PPP2CA: variants seen among roughly 807,000 people sequenced by gnomAD.
The protein encoded by PPP2CA is serine/threonine-protein phosphatase 2A catalytic subunit alpha isoform.
In PPP2CA, 5 loss-of-function variants were observed where a neutral mutation model predicts 38.8. The observed-to-expected ratio is 0.13, with a 90% CI of 0.07 to 0.27. The LOEUF is 0.27. Ranked by LOEUF, PPP2CA falls within the 10% of genes least tolerant of loss-of-function variation. The pLI is 1.00. For synonymous variants in PPP2CA, 152 were observed against 134.0 expected (o/e 1.13, Z -0.93); for missense variants, 88 against 389.7 (o/e 0.23, Z 6.52).
intron 1 of PPP2CA, among the ~76,000 whole-genome samples, chr5:134,219,781 C>A (rs149891455): frequency 6.6e-6 from 1 of 151,468 alleles, no homozygotes; most frequent in South Asian, 2.1e-4. Flanking sequence ...GAGGCTGAGG[C>A]GGGCGGATCA....
chr5:134,198,382 G>C (rs1175477174), intron 6 of PPP2CA, among the ~76,000 whole-genome samples: 2 of 131,548 alleles, frequency 1.5e-5, no homozygotes, highest in Non-Finnish European at 3.3e-5. Flanking sequence ...GACAGAGTGA[G>C]ACTCCGTCTC....
intron 4 of PPP2CA, 91 bp downstream of exon 4, chr5:134,200,892 TTA>T: frequency 1.9e-6 from 2 of 1,076,664 alleles, no homozygotes; most frequent in South Asian, 1.4e-5. Context: ...TTTTTGAGAA[TTA>T]TATGAGAGAA....
In PPP2CA at chr5:134,225,870, CCGCCCCAG is replaced by C; in HGVS notation, c.-17_-10del. The C allele has an allele frequency of 1.9e-6, 3 of 1,603,256 alleles. No homozygotes were observed. The highest frequency in any genetic ancestry group is 2.5e-6 in the Non-Finnish European group (3 of 1,178,010). Reference sequence around the variant, plus strand: ...AACACCTTCTCGTCCATGATGCCACCCGCCCCAGCCGGCTGCCGCTCCGCGCTGCTCCC... The same window carrying C: ...AACACCTTCTCGTCCATGATGCCACCCCGGCTGCCGCTCCGCGCTGCTCCC... On this transcript the variant is annotated 5_prime_UTR_variant, in exon 1 of 7. Transcript: ENST00000481195.
chr5:134,217,074 G>A (rs1762336721), intron 1 of PPP2CA, among the ~76,000 whole-genome samples: 2 of 152,172 alleles, frequency 1.3e-5, no homozygotes. Flanking sequence ...CTGAGATCGG[G>A]AGTTTGAGGA....
At chr5:134,208,330 A>C (rs1320320231) in intron 1 of PPP2CA, among the ~76,000 whole-genome samples, 1 of 152,336 alleles carries the variant, frequency 6.6e-6, no homozygotes, top group African/African-American at 2.4e-5. Context: ...TCAAATCATG[A>C]AGGAAAATTA....
intron 1 of PPP2CA, among the ~76,000 whole-genome samples, chr5:134,216,810 C>G (rs1421077174): frequency 2.0e-5 from 3 of 152,146 alleles, no homozygotes; most frequent in Non-Finnish European, 2.9e-5. Context: ...AGACAGAAAT[C>G]AAGTTTCTGT....
intron 1 of PPP2CA, among the ~76,000 whole-genome samples, chr5:134,211,478 T>A (rs1183603628): frequency 1.1e-3 from 3 of 2,804 alleles, no homozygotes. Flanking sequence ...GGAAGACAAT[T>A]TTTTTTTTTT....
At chr5:134,224,595 T>C (rs150514283) in intron 1 of PPP2CA, among the ~76,000 whole-genome samples, 2 of 152,370 alleles carry the variant, frequency 1.3e-5, no homozygotes, top group Middle Eastern at 3.4e-3. Flanking sequence ...GCTGCAAAGT[T>C]AATTTTGAAA....
intron 1 of PPP2CA, among the ~76,000 whole-genome samples, chr5:134,209,917 T>C (rs889474972): frequency 6.6e-6 from 1 of 151,276 alleles, no homozygotes; most frequent in African/African-American, 2.4e-5. Context: ...CTATAGAAAA[T>C]AAAATAAAAA....
chr5:134,224,634 TCAG>T (rs546679242), intron 1 of PPP2CA, among the ~76,000 whole-genome samples: 233 of 152,350 alleles, frequency 1.5e-3, no homozygotes, highest in Non-Finnish European at 2.0e-3. Context: ...ACAGCAGAGA[TCAG>T]CATTTTGTGT....
chr5:134,225,440 C>G, intron 1 of PPP2CA: 1 of 272,274 alleles, frequency 3.7e-6, no homozygotes, highest in Middle Eastern at 1.2e-3. Context: ...AGCCAGCTCA[C>G]CCTCAAAACC....
Position 134,206,280 on chromosome 5 carries a change from A to G in PPP2CA, c.103-149T>C, listed in dbSNP as rs895165408. 1.3e-5 allele frequency: 9 copies of G among 673,432 alleles called. No individual in the cohort carries two copies. In the African/African-American group the frequency reaches 1.5e-4, roughly 11 times the overall value. The allele number at this position is 673,432 out of a possible 1,614,324, so 41.7% of individuals were successfully genotyped here. A position where few individuals can be genotyped will look rare whatever the true frequency, so the allele number is the denominator to read the frequency against. On this transcript the variant is annotated intron_variant, in intron 1 of 6. Transcript: ENST00000481195. Reference sequence around the variant, plus strand: ...TTATGAACCCATTAAAATAAGTGAGATATGATTATAATCCATTAGCTATCT... The same window carrying G: ...TTATGAACCCATTAAAATAAGTGAGGTATGATTATAATCCATTAGCTATCT...
intron 2 of PPP2CA, among the ~76,000 whole-genome samples, chr5:134,203,900 TG>T (rs1351551898): frequency 6.6e-6 from 1 of 152,148 alleles, no homozygotes; most frequent in African/African-American, 2.4e-5. Flanking sequence ...TCTGAAGAGA[TG>T]GGGTCTCACT....
At chr5:134,217,072 G>A (rs961851962) in intron 1 of PPP2CA, among the ~76,000 whole-genome samples, 3 of 152,110 alleles carry the variant, frequency 2.0e-5, no homozygotes, top group Admixed American at 1.3e-4. Flanking sequence ...ACCTGAGATC[G>A]GGAGTTTGAG....
intron 1 of PPP2CA, chr5:134,225,423 G>C (rs1762549630): frequency 4.3e-6 from 1 of 231,674 alleles, no homozygotes; most frequent in African/African-American, 2.3e-5. Flanking sequence ...CCAAGCCGCA[G>C]AATCCAAGCC....
intron 1 of PPP2CA, among the ~76,000 whole-genome samples, chr5:134,217,487 A>T (rs1417638926): frequency 6.6e-6 from 1 of 152,238 alleles, no homozygotes; most frequent in Non-Finnish European, 1.5e-5. Flanking sequence ...AAAATTCTTA[A>T]TAAGTAAAAT....
chr5:134,202,662 G>A (rs1212565520), intron 2 of PPP2CA, among the ~76,000 whole-genome samples: 1 of 151,978 alleles, frequency 6.6e-6, no homozygotes, highest in Non-Finnish European at 1.5e-5. Flanking sequence ...TGAGGTTTTT[G>A]GCTACTATGA....
intron 1 of PPP2CA, among the ~76,000 whole-genome samples, chr5:134,208,404 T>A (rs1290517187): frequency 2.0e-5 from 3 of 152,244 alleles, no homozygotes; most frequent in African/African-American, 7.2e-5. Flanking sequence ...AACAGTGTTA[T>A]CTATTTTTTA....
chr5:134,199,421 GTTTT>G (rs573145027), intron 5 of PPP2CA: 11 of 249,050 alleles, frequency 4.4e-5, no homozygotes, highest in Non-Finnish European at 6.4e-5. Flanking sequence ...TACAAAACTT[GTTTT>G]TTTTTTAGTA....
Sources: allele counts gnomAD v4.1 joint callset (sites outside exome capture counted in the v4.1 genomes callset), GRCh38; gene constraint gnomAD v4.1.1; transcripts MANE v1.5; gene names NCBI Gene and HGNC (gene_info 2026-07-23, HGNC 2026-07-21).